The following CUBN variants were observed in gnomAD, a reference collection of about 807,000 sequenced individuals.
CUBN encodes 460 kDa receptor.
A neutral mutation model predicts 405.3 loss-of-function variants in CUBN; 282 were observed. That is an observed-to-expected ratio of 0.70 (90% confidence interval 0.63 to 0.77). CUBN has a LOEUF of 0.77. CUBN is among the 30% of genes least tolerant of loss of function. The pLI is 0.00. For missense variants in CUBN, 4,514 were observed against 4,475.2 expected, an observed-to-expected ratio of 1.01 and a Z score of -0.25; for synonymous variants, 1,684 against 1,617.0, an observed-to-expected ratio of 1.04 and a Z score of -0.99.
At chr10:16,908,320 T>A (rs924096706) in intron 48 of CUBN, among the ~76,000 whole-genome samples, 1 of 152,026 alleles carries the variant, frequency 6.6e-6, no homozygotes, top group African/African-American at 2.4e-5. Flanking sequence ...TAATTTTGTA[T>A]TTTTAGTAGA....
rs1434506811 is a variant in CUBN at position 17,100,154 on chromosome 10, G to A, written c.1616C>T (p.Ser539Phe). Residue 539 changes from serine (S) to phenylalanine (F), a missense_variant, in exon 14 of 67, where the codon TCC (serine) becomes TTC (phenylalanine). Physicochemically the swap from Ser to Phe is radical, Grantham distance 155 (BLOSUM62 -2). This residue lies in a region of CUBN where 1,448 missense variants were observed against 1,388.0 expected (regional missense o/e 1.04). Transcript: ENST00000377833. ...TCTTCCAAGTTGAAAAGCAGAAGAGGAATCTCCATCATAAACCTGAAGAAA... is the reference window on the plus strand; with the variant it reads ...TCTTCCAAGTTGAAAAGCAGAAGAGAAATCTCCATCATAAACCTGAAGAAA... ...HEFLQVYDGD[S>F]SSAFQLGRFC... The A allele has an allele frequency of 3.7e-6, 6 of 1,613,926 alleles. No homozygotes were observed. Among genetic ancestry groups the A allele is most frequent in the Non-Finnish European group, 5.1e-6 (6 of 1,179,894 alleles).
rs1336637881 is a variant in CUBN at position 17,045,886 on chromosome 10, A to G, written c.3490+48T>C. ...AGCATGACAATCCCAGAATCAAGAAACCAATCAGATTGGCTTCTCCAGTAA... is the reference window on the plus strand; with the variant it reads ...AGCATGACAATCCCAGAATCAAGAAGCCAATCAGATTGGCTTCTCCAGTAA... On this transcript the variant is annotated intron_variant, in intron 24 of 66. Transcript: ENST00000377833. 3.2e-6 allele frequency: 5 copies of G among 1,584,428 alleles called. No homozygotes were observed. The African/African-American group carries it at 5.4e-5, about 17-fold the overall frequency.
intron 43 of CUBN, among the ~76,000 whole-genome samples, chr10:16,923,605 GC>G (rs1272988618): frequency 2.0e-5 from 3 of 152,166 alleles, no homozygotes; most frequent in Non-Finnish European, 4.4e-5. Flanking sequence ...GATGTTAACA[GC>G]AGTCATAATA....
intron 27 of CUBN, among the ~76,000 whole-genome samples, chr10:17,024,465 A>G (rs1834598889): frequency 6.6e-6 from 1 of 152,182 alleles, no homozygotes; most frequent in African/African-American, 2.4e-5. Context: ...ATTATCTTAT[A>G]TATATGAGCT....
intron 31 of CUBN, among the ~76,000 whole-genome samples, chr10:16,981,799 A>C (rs1512703): frequency 0.73 from 111,335 of 151,890 alleles, 43,647 homozygotes; most frequent in Non-Finnish European, 0.89. Flanking sequence ...TAAAGGAGTC[A>C]AGGAAACCCT....
chr10:17,057,538 C>T (rs962738382), intron 22 of CUBN, among the ~76,000 whole-genome samples: 13 of 152,034 alleles, frequency 8.6e-5, no homozygotes, highest in Admixed American at 3.9e-4. Context: ...AACAATTTGG[C>T]ACTTTCTTAT....
In CUBN at chr10:16,901,356, TG is replaced by T. The variant is rs1226768858; in HGVS notation, c.8165del (p.Pro2722HisfsTer39). On this transcript the variant is annotated frameshift_variant, in exon 52 of 67. Coordinates refer to ENST00000377833, the MANE Select transcript of CUBN (RefSeq NM_001081.4). LOFTEE classifies it high-confidence loss of function. ...LTHCSSLLEA[P>X]QGHTITLTFS... The stretch of plus-strand genomic sequence containing the variant: ...CACTCACAGTGATGGTGTGCCCTTG[TG>T]GGGCCTCCAACAGCGAAGAGCAGTG... The T allele has an allele frequency of 1.2e-6, 2 of 1,614,162 alleles. No individual in the cohort carries two copies. Among genetic ancestry groups the T allele is most frequent in the Non-Finnish European group, 1.7e-6 (2 of 1,180,002 alleles).
chr10:16,829,054 A>G lies in CUBN; in HGVS notation c.10529-14T>C, dbSNP rs1290303017. The stretch of plus-strand genomic sequence containing the variant: ...TTCCACCACATCCTGCAAGGAAAAC[A>G]GGACAGGAAGTTTGATTCAACAGCA... On this transcript the variant is annotated splice_polypyrimidine_tract_variant and intron_variant, in intron 65 of 66. Coordinates refer to ENST00000377833, the MANE Select transcript of CUBN (RefSeq NM_001081.4). 1 of 1,604,138 alleles carries G rather than the reference A, an allele frequency of 6.2e-7. No homozygotes were observed. Among genetic ancestry groups the G allele is most frequent in the South Asian group, 1.1e-5 (1 of 90,574 alleles).
At chr10:16,911,156 T>C (rs1042073676) in intron 48 of CUBN, among the ~76,000 whole-genome samples, 1 of 152,064 alleles carries the variant, frequency 6.6e-6, no homozygotes, top group African/African-American at 2.4e-5. Context: ...GTGGAGAGGG[T>C]GTGGACGAAT....
chr10:17,124,944 G>A (rs1389182632), intron 4 of CUBN, among the ~76,000 whole-genome samples: 1 of 151,960 alleles, frequency 6.6e-6, no homozygotes, highest in African/African-American at 2.4e-5. Flanking sequence ...CGATTCTCAT[G>A]CCTCAGCCTC....
chr10:16,916,818 CTTT>C (rs201355109), intron 45 of CUBN, among the ~76,000 whole-genome samples: 4 of 140,820 alleles, frequency 2.8e-5, no homozygotes. Flanking sequence ...CTTTTTCTTT[CTTT>C]TTTTTTTTTT....
In CUBN at chr10:17,129,708, CA is replaced by C; in HGVS notation, c.57del (p.Glu20LysfsTer2). On this transcript the variant is annotated frameshift_variant, in exon 1 of 67. Coordinates refer to ENST00000377833, the MANE Select transcript of CUBN (RefSeq NM_001081.4). LOFTEE classifies it high-confidence loss of function. ...LWSLLTLLIF[A>X]EVNGEAGELE... is the part of the protein sequence containing the mutation. The stretch of plus-strand genomic sequence containing the variant: ...AGTTCTCCAGCTTCGCCATTTACTT[CA>C]GCAAATATTAATAAGGTAAGCAAAC... 1 of 1,613,962 alleles carries C rather than the reference CA, an allele frequency of 6.2e-7. No homozygotes were observed. The highest frequency in any genetic ancestry group is 8.5e-7 in the Non-Finnish European group (1 of 1,179,868).
chr10:17,110,930 G>T lies in CUBN; in HGVS notation c.1004C>A (p.Ala335Asp). 6.2e-7 allele frequency: 1 copy of T among 1,614,226 alleles called. No individual in the cohort carries two copies. Among genetic ancestry groups the T allele is most frequent in the Non-Finnish European group, 8.5e-7 (1 of 1,180,042 alleles). Reference protein sequence around the residue: ...VNTPGSSHCQACPPGYQGDGR... With the variant: ...VNTPGSSHCQDCPPGYQGDGR... ...AACCGAGGCAGCACCTGGTGGACAGGCCTGGCAGTGGGAAGACCCAGGTGT... is the reference window on the plus strand; with the variant it reads ...AACCGAGGCAGCACCTGGTGGACAGTCCTGGCAGTGGGAAGACCCAGGTGT... The change falls in exon 9 of 67, where the codon GCC (alanine) becomes GAC (aspartate). Residue 335 changes from alanine to aspartate, a missense_variant. By Grantham distance (126) the Ala-to-Asp change is moderately radical. Coordinates refer to ENST00000377833, the MANE Select transcript of CUBN (RefSeq NM_001081.4).
In CUBN at chr10:17,055,050, A is replaced by G. The variant is rs910529010; in HGVS notation, c.3140-7447T>C. ...ATCCATAAGAAAATTTTAGCATAAC[A>G]ATTCTGAATACACGTAAAAGTTATA... On this transcript the variant is annotated intron_variant, in intron 22 of 66. Coordinates refer to ENST00000377833, the MANE Select transcript of CUBN (RefSeq NM_001081.4). Among the ~76,000 whole-genome samples, 22 of 152,128 alleles carry G rather than the reference A, an allele frequency of 1.4e-4. 1 individual carries two copies. The highest frequency in any genetic ancestry group is 2.6e-4 in the Non-Finnish European group (18 of 68,000).
chr10:16,980,725 A>G (rs1441035803), intron 31 of CUBN, among the ~76,000 whole-genome samples: 1 of 152,134 alleles, frequency 6.6e-6, no homozygotes. Flanking sequence ...TAGCATTAGG[A>G]GAAATACCTT....
Position 16,937,443 on chromosome 10 carries a change from A to T in CUBN, c.5926+149T>A. On this transcript the variant is annotated intron_variant, in intron 39 of 66. Coordinates refer to ENST00000377833, the MANE Select transcript of CUBN (RefSeq NM_001081.4). ...ACAATTTCTACAAAAGGTAGTGTTT[A>T]TGAATTTAAAACAACATCTGAACAT... is the stretch of plus-strand genomic sequence containing the variant. 4 of 647,300 alleles carry T rather than the reference A, an allele frequency of 6.2e-6. No homozygotes were observed. In the East Asian group the frequency reaches 1.1e-4, roughly 18 times the overall value. 40.1% of individuals were successfully genotyped at this position (647,300 alleles called of 1,614,324 possible).
intron 26 of CUBN, among the ~76,000 whole-genome samples, chr10:17,042,679 TA>T (rs1835044616): frequency 6.6e-6 from 1 of 152,218 alleles, no homozygotes; most frequent in Non-Finnish European, 1.5e-5. Context: ...GTACTAGTGA[TA>T]CATTTCTGAA....
In CUBN at chr10:16,879,887, C is replaced by T. The variant is rs142386436; in HGVS notation, c.8906-2790G>A. On this transcript the variant is annotated intron_variant, in intron 56 of 66. Transcript: ENST00000377833. ...CAAAATTGACTCTTGCAAGATGGTG[C>T]AACCCAACTCTAGCTTACCACAGGA... 2.6e-5 allele frequency among the ~76,000 whole-genome samples: 4 copies of T among 152,322 alleles called. No individual in the cohort carries two copies. The East Asian group carries it at 7.7e-4, about 29-fold the overall frequency.
intron 31 of CUBN, chr10:16,965,629 A>C (rs1843371562): frequency 6.6e-6 from 1 of 152,262 alleles, no homozygotes; most frequent in Non-Finnish European, 1.5e-5. Flanking sequence ...GAAAGTAGGA[A>C]GTGAGGAATT....
Sources: gnomAD v4.1 joint callset for allele counts (sites outside exome capture counted in the v4.1 genomes callset) on GRCh38, gnomAD v4.1.1 for gene constraint, gnomAD v4.1.1 regional missense constraint, MANE v1.5 for transcripts, NCBI Gene and HGNC (gene_info 2026-07-23, HGNC 2026-07-21) for gene names.